Variants in GRIP2 observed in about 807,000 individuals in gnomAD.
GRIP2 encodes glutamate receptor-interacting protein 2.
In GRIP2, 58 loss-of-function variants were observed where a neutral mutation model predicts 108.3. That is an observed-to-expected ratio of 0.54 (90% CI 0.43 to 0.67). The LOEUF (loss-of-function observed/expected upper bound fraction) is 0.67. GRIP2 is among the 30% of genes least tolerant of loss of function. The pLI is 0.00. For synonymous variants in GRIP2, 586 were observed against 598.2 expected (o/e 0.98, Z 0.30); for missense variants, 1,278 against 1,430.6 (o/e 0.89, Z 1.72).
upstream of GRIP2, among the ~76,000 whole-genome samples, chr3:14,557,337 G>A (rs967084288): frequency 6.6e-6 from 1 of 152,168 alleles, no homozygotes; most frequent in African/African-American, 2.4e-5. Context: ...TCTCCTTTCG[G>A]CTCTTCCACA....
upstream of GRIP2, among the ~76,000 whole-genome samples, chr3:14,542,391 T>C (rs1198611667): frequency 6.6e-6 from 1 of 152,140 alleles, no homozygotes; most frequent in Non-Finnish European, 1.5e-5. Context: ...CTGTATCTGC[T>C]CCTTCTCAAA....
the GRIP2 span, chr3:14,574,145 G>T: frequency 1.1e-6 from 1 of 931,564 alleles, no homozygotes; most frequent in Non-Finnish European, 1.8e-6. Context: ...CGATGCCATA[G>T]ATGCACACGG....
At chr3:14,553,364 G>C (rs1238422366) in intron 1 of GRIP2, among the ~76,000 whole-genome samples, 1 of 152,002 alleles carries the variant, frequency 6.6e-6, no homozygotes, top group Non-Finnish European at 1.5e-5. Flanking sequence ...GCCCACCTCG[G>C]TCTCCCAAAG....
chr3:14,533,799 C>T (rs11714818), intron 1 of GRIP2, among the ~76,000 whole-genome samples: 6,957 of 152,288 alleles, frequency 0.046, 217 homozygotes, highest in East Asian at 0.15. Context: ...GTCTCAACAC[C>T]GAGTGGCTGC....
chr3:14,519,407 C>G (rs143167026), intron 9 of GRIP2, among the ~76,000 whole-genome samples: 12 of 152,364 alleles, frequency 7.9e-5, no homozygotes, highest in Non-Finnish European at 1.5e-4. Context: ...GTCAGCCTCC[C>G]CCATGTCTGT....
intron 1 of GRIP2, among the ~76,000 whole-genome samples, chr3:14,533,598 G>A (rs1181708788): frequency 6.6e-6 from 1 of 152,128 alleles, no homozygotes; most frequent in Non-Finnish European, 1.5e-5. Flanking sequence ...GAAGCACAGG[G>A]TGCCCGATGT....
At chr3:14,524,605 C>A in intron 3 of GRIP2, 67 bp from the exon 4 acceptor site, 1 of 1,483,800 alleles carries the variant, frequency 6.7e-7, no homozygotes, top group Non-Finnish European at 9.1e-7. Context: ...GCATTCACAC[C>A]CACCCTCCTC....
Position 14,511,705 on chromosome 3 carries a change from G to C in GRIP2, c.1721-226C>G, listed in dbSNP as rs748752462. Among the ~76,000 whole-genome samples the C allele has an allele frequency of 6.6e-5, 10 of 152,220 alleles. No homozygotes were observed. Among genetic ancestry groups the C allele is most frequent in the Non-Finnish European group, 1.3e-4 (9 of 68,050 alleles). On this transcript the variant is annotated intron_variant, in intron 14 of 23. Coordinates refer to ENST00000621039, the MANE Select transcript of GRIP2 (RefSeq NM_001080423.4). The surrounding 1 kb of genome is among the most constrained non-coding windows in gnomAD (Gnocchi z 4.1). ...CGCAGACCTCATGGGGATGTGGTGA[G>C]AGTAAACCAGATAACACAGGCACAA... is the stretch of plus-strand genomic sequence containing the variant.
chr3:14,601,488 C>T, the GRIP2 span, among the ~76,000 whole-genome samples: 2 of 152,206 alleles, frequency 1.3e-5, no homozygotes, highest in Non-Finnish European at 2.9e-5. Context: ...AACCTAGGCA[C>T]CCTCTCTACC....
At chr3:14,588,200 CAACA>C in the GRIP2 span, among the ~76,000 whole-genome samples, 1 of 152,156 alleles carries the variant, frequency 6.6e-6, no homozygotes, top group Non-Finnish European at 1.5e-5. Context: ...GCTCTGGTCC[CAACA>C]AACTGTTGGC....
chr3:14,509,788 C>G, intron 17 of GRIP2, 32 bp downstream of exon 17: 9 of 1,411,178 alleles, frequency 6.4e-6, no homozygotes, highest in Non-Finnish European at 8.4e-6. Context: ...TTCCCTGAGC[C>G]CACCATGCGT....
At chr3:14,533,116 C>G (rs557529355) in intron 1 of GRIP2, among the ~76,000 whole-genome samples, 112 of 152,368 alleles carry the variant, frequency 7.4e-4, no homozygotes, top group African/African-American at 2.1e-3. Flanking sequence ...ACATCAGCCA[C>G]CACGGATTCA....
chr3:14,520,620 C>A (rs1106333), intron 7 of GRIP2, 83 bp from the exon 8 acceptor site: 110,295 of 1,441,844 alleles, frequency 0.076, 7,271 homozygotes, highest in African/African-American at 0.32. Context: ...CTGATTTAAT[C>A]CTTGCTGCCT....
chr3:14,531,664 C>A (rs1430552562), intron 1 of GRIP2, among the ~76,000 whole-genome samples: 1 of 152,206 alleles, frequency 6.6e-6, no homozygotes, highest in South Asian at 2.1e-4. Context: ...TGCGATCACA[C>A]CCATTTGACA....
At chr3:14,513,604 TA>T (rs1440621581) in intron 13 of GRIP2, 60 bp downstream of exon 13, 30 of 1,543,476 alleles carry the variant, frequency 1.9e-5, no homozygotes, top group Non-Finnish European at 2.6e-5. Context: ...CGAGGCAGGA[TA>T]AAGAGAGGAG....
rs72297166 is a variant in GRIP2, at chr3:14,527,391, A to AGGAAAGAAAG, written c.41-1461_41-1460insCTTTCTTTCC. Among the ~76,000 whole-genome samples the AGGAAAGAAAG allele has an allele frequency of 3.6e-4, 51 of 140,738 alleles. No individual in the cohort carries two copies. The South Asian group carries it at 4.0e-3, about 11-fold the overall frequency. The allele number at this position is 140,738 out of a possible 152,430, so 92.3% of individuals were successfully genotyped here. A position where few individuals can be genotyped will look rare whatever the true frequency, so the allele number is the denominator to read the frequency against. On this transcript the variant is annotated intron_variant, in intron 1 of 23. Transcript: ENST00000621039. ...TTGAAAGGAAAGGAAAGGAAAGGAA[A>AGGAAAGAAAG]GAAAGGAAAGGAAAGAAGGAAAGCG... is the stretch of plus-strand genomic sequence containing the variant.
At chr3:14,513,858 A>G (rs368239491) in intron 12 of GRIP2, 48 bp from the exon 13 acceptor site, 21 of 1,598,380 alleles carry the variant, frequency 1.3e-5, no homozygotes, top group Admixed American at 8.5e-5. Flanking sequence ...TGACAGGTCC[A>G]TTGGGAGACA....
chr3:14,590,932 T>A, the GRIP2 span, among the ~76,000 whole-genome samples: 8 of 152,190 alleles, frequency 5.3e-5, no homozygotes, highest in Non-Finnish European at 1.2e-4. Context: ...TACTGGTAAC[T>A]GATTTTTTAA....
chr3:14,561,194 A>T, the GRIP2 span, among the ~76,000 whole-genome samples: 2 of 152,206 alleles, frequency 1.3e-5, no homozygotes, highest in Non-Finnish European at 2.9e-5. Flanking sequence ...TTGTGAGGGA[A>T]CAGAGGCTCC....
Sources: allele counts gnomAD v4.1 joint callset (sites outside exome capture counted in the v4.1 genomes callset), GRCh38; gene constraint gnomAD v4.1.1; non-coding constraint Gnocchi (gnomAD v3.1); transcripts MANE v1.5; gene names NCBI Gene and HGNC (gene_info 2026-07-23, HGNC 2026-07-21).